Variants in ROBO1 observed in about 807,000 individuals in gnomAD.
The protein encoded by ROBO1 is roundabout guidance receptor 1, also known as roundabout homolog 1.
In ROBO1, 149 loss-of-function variants were observed where a neutral mutation model predicts 195.9. The ratio of observed to expected loss-of-function variants is 0.76; its 90% confidence interval spans 0.67 to 0.87. ROBO1 has a LOEUF of 0.87. ROBO1 is among the 40% of genes least tolerant of loss of function. The pLI, the probability that ROBO1 is intolerant of heterozygous loss-of-function variation, is 0.00. For synonymous variants in ROBO1, 816 were observed against 733.2 expected (o/e 1.11, Z -1.82); for missense variants, 1,933 against 2,068.3 (o/e 0.93, Z 1.27).
chr3:79,431,578 A>C (rs2038681030), intron 2 of ROBO1, among the ~76,000 whole-genome samples: 1 of 152,148 alleles, frequency 6.6e-6, no homozygotes. Context: ...GAAGACAAAA[A>C]CATGGTACAG....
chr3:79,488,913 T>C (rs987864675), intron 2 of ROBO1, among the ~76,000 whole-genome samples: 4 of 152,164 alleles, frequency 2.6e-5, no homozygotes, highest in African/African-American at 9.7e-5. Flanking sequence ...TTATAACTTT[T>C]GATGAACTCA....
chr3:78,637,817 A>G (rs1705616609), intron 22 of ROBO1, among the ~76,000 whole-genome samples: 1 of 152,204 alleles, frequency 6.6e-6, no homozygotes, highest in African/African-American at 2.4e-5. Context: ...AAGGGCAGAC[A>G]TGCAGACTGC....
intron 2 of ROBO1, among the ~76,000 whole-genome samples, chr3:79,546,726 G>T (rs986825544): frequency 6.6e-6 from 1 of 152,066 alleles, no homozygotes; most frequent in Non-Finnish European, 1.5e-5. Flanking sequence ...TTTAACAATG[G>T]CCTCCAGTAC....
At chr3:78,892,355 A>G (rs2036954885) in intron 4 of ROBO1, among the ~76,000 whole-genome samples, 1 of 152,148 alleles carries the variant, frequency 6.6e-6, no homozygotes, top group African/African-American at 2.4e-5. Context: ...CCTGATGCCA[A>G]AAAGGTTGGG....
chr3:79,729,933 C>A (rs1703076494), intron 1 of ROBO1, among the ~76,000 whole-genome samples: 1 of 152,110 alleles, frequency 6.6e-6, no homozygotes, highest in African/African-American at 2.4e-5. Flanking sequence ...TATGGCCCAT[C>A]CCATGATTTC....
At chr3:79,604,367 G>T (rs1351384971) in intron 1 of ROBO1, among the ~76,000 whole-genome samples, 1 of 152,000 alleles carries the variant, frequency 6.6e-6, no homozygotes, top group African/African-American at 2.4e-5. Context: ...GGAAGCATTT[G>T]AAATGTTTTT....
intron 2 of ROBO1, among the ~76,000 whole-genome samples, chr3:79,416,852 A>G (rs182840852): frequency 6.6e-4 from 101 of 152,260 alleles, no homozygotes; most frequent in African/African-American, 2.3e-3. Flanking sequence ...TGTTAAAAGG[A>G]TACATTTATT....
chr3:78,677,735 A>G (rs1259001152), intron 10 of ROBO1, among the ~76,000 whole-genome samples: 2 of 152,296 alleles, frequency 1.3e-5, no homozygotes, highest in South Asian at 2.1e-4. Context: ...GGCGACTTTA[A>G]CACCCCACTG....
chr3:79,012,530 C>G (rs1279803133), intron 3 of ROBO1, among the ~76,000 whole-genome samples: 1 of 152,182 alleles, frequency 6.6e-6, no homozygotes, highest in African/African-American at 2.4e-5. Context: ...CGGCTCTAAG[C>G]CATGGACAGC....
intron 3 of ROBO1, among the ~76,000 whole-genome samples, chr3:78,949,648 A>G (rs2040660806): frequency 6.6e-6 from 1 of 152,036 alleles, no homozygotes; most frequent in African/African-American, 2.4e-5. Flanking sequence ...AACAAAAGCC[A>G]AAATTGACAA....
intron 3 of ROBO1, among the ~76,000 whole-genome samples, chr3:79,124,547 C>T (rs1014999526): frequency 5.9e-5 from 9 of 152,090 alleles, no homozygotes; most frequent in Non-Finnish European, 8.8e-5. Flanking sequence ...GAAGAGGACT[C>T]TATCATCTCT....
At chr3:79,118,750 C>T (rs1559673552) in intron 3 of ROBO1, among the ~76,000 whole-genome samples, 1 of 151,724 alleles carries the variant, frequency 6.6e-6, no homozygotes, top group Non-Finnish European at 1.5e-5. Context: ...TCCCTGTAGT[C>T]CCAGCTACTT....
At chr3:79,597,453 G>A (rs1251524229) in intron 1 of ROBO1, among the ~76,000 whole-genome samples, 1 of 151,844 alleles carries the variant, frequency 6.6e-6, no homozygotes, top group Admixed American at 6.6e-5. Flanking sequence ...TAAAAATAGA[G>A]TACATAAAGC....
At position 79,564,532 on chromosome 3, in the gene ROBO1, T is replaced by C. The variant is rs1943029935; in HGVS notation, c.88+25292A>G. Among the ~76,000 whole-genome samples, 6 of 152,074 alleles carry C rather than the reference T, an allele frequency of 3.9e-5. No homozygotes were observed. The South Asian group carries it at 1.2e-3, about 31-fold the overall frequency. ...ATGGAAGGCTGAAGTCAAACAGTAA[T>C]TTATCAACAAGGAGATATTTTATGA... On this transcript the variant is annotated intron_variant, in intron 2 of 30. Coordinates refer to ENST00000464233, the MANE Select transcript of ROBO1 (RefSeq NM_002941.4).
intron 2 of ROBO1, among the ~76,000 whole-genome samples, chr3:79,218,653 G>C (rs1162079660): frequency 6.6e-6 from 1 of 151,940 alleles, no homozygotes; most frequent in African/African-American, 2.4e-5. Context: ...TGTTACAGTT[G>C]AAGGTTTTTC....
At chr3:79,104,199 T>C (rs563979898) in intron 3 of ROBO1, among the ~76,000 whole-genome samples, 21 of 151,936 alleles carry the variant, frequency 1.4e-4, no homozygotes, top group Admixed American at 1.3e-3. Context: ...GGAATTCTTT[T>C]AGTATTTCAA....
intron 3 of ROBO1, among the ~76,000 whole-genome samples, chr3:79,009,273 G>T (rs898803366): frequency 2.0e-5 from 3 of 151,820 alleles, no homozygotes; most frequent in African/African-American, 7.3e-5. Flanking sequence ...TTTTAAGACA[G>T]TGTAAAAACC....
At chr3:79,467,031 T>C (rs1385732035) in intron 2 of ROBO1, among the ~76,000 whole-genome samples, 1 of 152,086 alleles carries the variant, frequency 6.6e-6, no homozygotes, top group Non-Finnish European at 1.5e-5. Flanking sequence ...TTGGAAGACA[T>C]GGCTCTGGAA....
At chr3:79,090,649 A>G (rs929495286) in intron 3 of ROBO1, among the ~76,000 whole-genome samples, 1 of 152,038 alleles carries the variant, frequency 6.6e-6, no homozygotes, top group Admixed American at 6.6e-5. Context: ...TACCTCTATG[A>G]GTTTGGGCCT....
Sources: allele counts gnomAD v4.1 joint callset (sites outside exome capture counted in the v4.1 genomes callset), GRCh38; gene constraint gnomAD v4.1.1; transcripts MANE v1.5; gene names NCBI Gene and HGNC (gene_info 2026-07-23, HGNC 2026-07-21).